The following ALK variants were observed in gnomAD, a reference collection of about 807,000 sequenced individuals.
The protein encoded by ALK is ALK receptor tyrosine kinase, also known as ALK tyrosine kinase receptor.
In ALK, 74 loss-of-function variants were observed where a neutral mutation model predicts 163.1. The observed-to-expected ratio is 0.45, with a 90% CI of 0.38 to 0.55. The LOEUF (loss-of-function observed/expected upper bound fraction) is 0.55. Among genes scored for constraint, ALK ranks in the 20% least tolerant of loss-of-function variants. The pLI is 0.00. For missense variants in ALK, 2,063 were observed against 2,105.3 expected, an observed-to-expected ratio of 0.98 and a Z score of 0.39; for synonymous variants, 960 against 843.2, an observed-to-expected ratio of 1.14 and a Z score of -2.40.
intron 3 of ALK, among the ~76,000 whole-genome samples, chr2:29,656,972 T>G (rs1187636613): frequency 6.6e-6 from 1 of 152,170 alleles, no homozygotes; most frequent in African/African-American, 2.4e-5. Context: ...CACTTTTTCC[T>G]CCTAGAAAGC....
chr2:29,894,711 T>C (rs1345789193), intron 1 of ALK, among the ~76,000 whole-genome samples: 1 of 152,154 alleles, frequency 6.6e-6, no homozygotes, highest in African/African-American at 2.4e-5. Flanking sequence ...CATTCTTACT[T>C]CTAAAGCACC....
chr2:29,316,834 G>C (rs1666847457), intron 8 of ALK, among the ~76,000 whole-genome samples: 1 of 152,192 alleles, frequency 6.6e-6, no homozygotes, highest in Non-Finnish European at 1.5e-5. Flanking sequence ...GTGGTTCACA[G>C]AGATACATAA....
intron 12 of ALK, among the ~76,000 whole-genome samples, chr2:29,243,575 C>A (rs74499513): frequency 6.6e-6 from 1 of 152,076 alleles, no homozygotes; most frequent in Non-Finnish European, 1.5e-5. Flanking sequence ...ACCAAGTGGG[C>A]GAACCAGGGC....
chr2:29,207,045 T>G, intron 26 of ALK, 126 bp downstream of exon 26: 1 of 752,912 alleles, frequency 1.3e-6, no homozygotes, highest in Non-Finnish European at 2.4e-6. Context: ...TGTTGTCGGG[T>G]GTATTGATTC....
rs2148138328 is a variant in ALK at position 29,193,647 on chromosome 2, G to A, written c.4440C>T (p.Phe1480=). 6.2e-7 allele frequency: 1 copy of A among 1,614,248 alleles called. No individual in the cohort carries two copies. The highest frequency in any genetic ancestry group is 1.6e-4 in the Middle Eastern group (1 of 6,062). The part of the protein sequence containing the change: ...AVEGGHVNMA[F]SQSNPPSELH... ...ACTCCGAAGGAGGGTTGGACTGAGAGAATGCCATATTCACGTGTCCCCCTT... is the reference window on the plus strand; with the variant it reads ...ACTCCGAAGGAGGGTTGGACTGAGAAAATGCCATATTCACGTGTCCCCCTT... The change falls in exon 29 of 29, where the codon TTC becomes TTT. Residue 1480 remains phenylalanine (F), a synonymous_variant. Coordinates refer to ENST00000389048, the MANE Select transcript of ALK (RefSeq NM_004304.5).
At chr2:29,249,923 G>A (rs568704385) in intron 12 of ALK, among the ~76,000 whole-genome samples, 28 of 152,292 alleles carry the variant, frequency 1.8e-4, no homozygotes, top group Admixed American at 1.2e-3. Context: ...TCTGCCCGGA[G>A]TGCCATTTAA....
At chr2:29,449,646 G>A (rs1670773178) in intron 4 of ALK, among the ~76,000 whole-genome samples, 1 of 152,226 alleles carries the variant, frequency 6.6e-6, no homozygotes, top group South Asian at 2.1e-4. Flanking sequence ...TCTGTCTGTA[G>A]AAGCTGAGGG....
chr2:29,323,154 T>C (rs1667126900), intron 6 of ALK, among the ~76,000 whole-genome samples: 1 of 152,302 alleles, frequency 6.6e-6, no homozygotes, highest in Non-Finnish European at 1.5e-5. Context: ...AGTATTAGTG[T>C]CTATTTTACT....
At position 29,438,066 on chromosome 2, in the gene ALK, G is replaced by A. The variant is rs560174486; in HGVS notation, c.1155-54207C>T. Among the ~76,000 whole-genome samples, 5 of 152,130 alleles carry A rather than the reference G, an allele frequency of 3.3e-5. No individual in the cohort carries two copies. In the East Asian group the frequency reaches 5.8e-4, roughly 18 times the overall value. On this transcript the variant is annotated intron_variant, in intron 4 of 28. Transcript: ENST00000389048. ...GATTCCACCTGACCTTCAGAGGGCT[G>A]CCTTTAGGAATATGTAGGCGGAGCT... is the stretch of plus-strand genomic sequence containing the variant.
At chr2:29,913,723 C>A (rs1414341260) in intron 1 of ALK, among the ~76,000 whole-genome samples, 2 of 152,116 alleles carry the variant, frequency 1.3e-5, no homozygotes, top group African/African-American at 4.8e-5. Context: ...ATTGAGGGAT[C>A]TTCCTGAGGC....
chr2:29,230,478 A>C (rs1277351788), intron 15 of ALK, among the ~76,000 whole-genome samples: 2 of 152,012 alleles, frequency 1.3e-5, no homozygotes, highest in African/African-American at 4.8e-5. Flanking sequence ...GTCTGCCGGA[A>C]CCCTACGGGT....
chr2:29,874,672 G>A (rs1405734949), intron 1 of ALK, among the ~76,000 whole-genome samples: 1 of 152,146 alleles, frequency 6.6e-6, no homozygotes. Context: ...AATATACATG[G>A]GAAAATCATT....
At position 29,227,464 on chromosome 2, in the gene ALK, C is replaced by G. The variant is rs1286174148; in HGVS notation, c.2914+110G>C. 21 of 976,352 alleles carry G rather than the reference C, an allele frequency of 2.2e-5. No homozygotes were observed. Among genetic ancestry groups the G allele is most frequent in the Non-Finnish European group, 2.0e-5 (12 of 599,254 alleles). The allele number at this position is 976,352 out of a possible 1,614,324, so 60.5% of individuals were successfully genotyped here. A position where few individuals can be genotyped will look rare whatever the true frequency, so the allele number is the denominator to read the frequency against. On this transcript the variant is annotated intron_variant, in intron 17 of 28. Coordinates refer to ENST00000389048, the MANE Select transcript of ALK (RefSeq NM_004304.5). The surrounding 1 kb of genome is among the most constrained non-coding windows in gnomAD (Gnocchi z 4.4). The stretch of plus-strand genomic sequence containing the variant: ...CCATAGGAAGCTTGCCTGCCAGGGA[C>G]CCATAATTGTGCCTCTGTATCCTGG...
chr2:29,362,000 A>C (rs1453566493), intron 5 of ALK, among the ~76,000 whole-genome samples: 1 of 152,064 alleles, frequency 6.6e-6, no homozygotes, highest in African/African-American at 2.4e-5. Context: ...AATTAGGGAG[A>C]GAAGGATGGA....
At chr2:29,325,142 G>A (rs1424002620) in intron 6 of ALK, among the ~76,000 whole-genome samples, 3 of 152,058 alleles carry the variant, frequency 2.0e-5, no homozygotes, top group African/African-American at 7.2e-5. Context: ...TTCCAACCAT[G>A]GCAGGGTTTG....
intron 12 of ALK, among the ~76,000 whole-genome samples, chr2:29,245,222 G>A (rs1664630580): frequency 6.7e-6 from 1 of 149,366 alleles, no homozygotes; most frequent in Non-Finnish European, 1.5e-5. Flanking sequence ...CCTGCACATA[G>A]TAGGGGCTCC....
chr2:29,229,776 C>T (rs1374660277), intron 15 of ALK, among the ~76,000 whole-genome samples: 2 of 152,176 alleles, frequency 1.3e-5, no homozygotes, highest in Non-Finnish European at 2.9e-5. Flanking sequence ...CGCGTGCAGA[C>T]AGCCTCACAC....
At chr2:29,656,686 G>A (rs1677194264) in intron 3 of ALK, among the ~76,000 whole-genome samples, 1 of 152,176 alleles carries the variant, frequency 6.6e-6, no homozygotes, top group African/African-American at 2.4e-5. Context: ...CAAACAGCAA[G>A]TGAGTGGTAA....
chr2:29,507,366 T>A (rs1344724928), intron 4 of ALK, among the ~76,000 whole-genome samples: 1 of 151,800 alleles, frequency 6.6e-6, no homozygotes, highest in African/African-American at 2.4e-5. Context: ...TTGCCTGGGG[T>A]TGGAGGTAGG....
Sources: allele counts gnomAD v4.1 joint callset (sites outside exome capture counted in the v4.1 genomes callset), GRCh38; gene constraint gnomAD v4.1.1; non-coding constraint Gnocchi (gnomAD v3.1); transcripts MANE v1.5; gene names NCBI Gene and HGNC (gene_info 2026-07-23, HGNC 2026-07-21).